The following GREB1L variants were observed in gnomAD, a reference collection of about 807,000 sequenced individuals.
The protein encoded by GREB1L is GREB1-like protein.
In GREB1L, 17 loss-of-function variants were observed where a neutral mutation model predicts 200.8. The observed-to-expected ratio is 0.08, with a 90% CI of 0.06 to 0.13. GREB1L has a LOEUF of 0.13. GREB1L is among the 10% of genes least tolerant of loss of function. GREB1L has a pLI of 1.00. For missense variants in GREB1L, 1,657 were observed against 2,367.7 expected (o/e 0.70, Z 6.23); for synonymous variants, 789 against 893.0 (o/e 0.88, Z 2.08).
chr18:21,262,742 G>C (rs1475139785), intron 1 of GREB1L, among the ~76,000 whole-genome samples: 1 of 152,064 alleles, frequency 6.6e-6, no homozygotes, highest in Non-Finnish European at 1.5e-5. Context: ...AAGGCGGTGG[G>C]CCAGTGATAT....
rs185589673 is a variant in GREB1L, at chr18:21,288,777, G to A, written c.-120+46384G>A. Among the ~76,000 whole-genome samples, 7 of 150,544 alleles carry A rather than the reference G, an allele frequency of 4.6e-5. No individual in the cohort carries two copies. In the East Asian group the frequency reaches 7.8e-4, roughly 17 times the overall value. Reference sequence around the variant, plus strand: ...TTTGAGACAGAGTTTCACTCTTGTCGCCCAGGTTGGAATGCAATGGTGCGA... The same window carrying A: ...TTTGAGACAGAGTTTCACTCTTGTCACCCAGGTTGGAATGCAATGGTGCGA... On this transcript the variant is annotated intron_variant, in intron 1 of 32. Coordinates refer to ENST00000424526, the MANE Select transcript of GREB1L (RefSeq NM_001142966.3).
At position 21,454,456 on chromosome 18, in the gene GREB1L, G is replaced by A; in HGVS notation, c.2075G>A (p.Gly692Asp). ...CAGGTGTGTGCTATAGCGGACAGTG[G>A]CAGCCAGAGCCTGGACCTCGGTCAC... Reference protein sequence around the residue: ...LSQVCAIADSGSQSLDLGHFS... With the variant: ...LSQVCAIADSDSQSLDLGHFS... Residue 692 changes from glycine (G) to aspartate (D), a missense_variant, in exon 15 of 33, where the codon GGC (glycine) becomes GAC (aspartate). Gly to Asp is a moderately conservative substitution (Grantham distance 94, BLOSUM62 -1). This residue lies in a region of GREB1L where 239 missense variants were observed against 421.8 expected (regional missense o/e 0.57). Coordinates refer to ENST00000424526, the MANE Select transcript of GREB1L (RefSeq NM_001142966.3). The A allele has an allele frequency of 6.4e-7, 1 of 1,551,536 alleles. No homozygotes were observed. Among genetic ancestry groups the A allele is most frequent in the Non-Finnish European group, 8.7e-7 (1 of 1,146,826 alleles).
At chr18:21,370,895 T>C (rs1421257325) in intron 2 of GREB1L, among the ~76,000 whole-genome samples, 1 of 151,992 alleles carries the variant, frequency 6.6e-6, no homozygotes, top group Non-Finnish European at 1.5e-5. Context: ...CTTGCCTGCA[T>C]GGTAAAATCC....
At position 21,426,201 on chromosome 18, in the gene GREB1L, C is replaced by T. The variant is rs142229609; in HGVS notation, c.833-13320C>T. 4.1e-3 allele frequency among the ~76,000 whole-genome samples: 630 copies of T among 151,888 alleles called. 7 individuals carry two copies. The highest frequency in any genetic ancestry group is 0.014 in the African/African-American group (584 of 41,420). The stretch of plus-strand genomic sequence containing the variant: ...CCTCCTGAGTAGCTGGGACTACAGG[C>T]GCCCACCACCACGCCTGGCTAATTT... On this transcript the variant is annotated intron_variant, in intron 7 of 32. Transcript: ENST00000424526.
At position 21,242,360 on chromosome 18, in the gene GREB1L, C is replaced by T. The variant is rs1191111728; in HGVS notation, c.-153C>T. The T allele has an allele frequency of 6.6e-6, 1 of 152,174 alleles. No individual in the cohort carries two copies. The highest frequency in any genetic ancestry group is 1.5e-5 in the Non-Finnish European group (1 of 68,114). 9.4% of individuals were successfully genotyped at this position (152,174 alleles called of 1,614,324 possible). A position where few individuals can be genotyped will look rare whatever the true frequency, so the allele number is the denominator to read the frequency against. ...GCCCGGCCGAGCCGAGGGCCACCCCCTGGTCCTCTGCCCTCGCGCCCCGCT... is the reference window on the plus strand; with the variant it reads ...GCCCGGCCGAGCCGAGGGCCACCCCTTGGTCCTCTGCCCTCGCGCCCCGCT... On this transcript the variant is annotated 5_prime_UTR_variant, in exon 1 of 33. Coordinates refer to ENST00000424526, the MANE Select transcript of GREB1L (RefSeq NM_001142966.3).
At chr18:21,489,355 G>A (rs2036243943) in intron 18 of GREB1L, among the ~76,000 whole-genome samples, 1 of 152,106 alleles carries the variant, frequency 6.6e-6, no homozygotes, top group Non-Finnish European at 1.5e-5. Flanking sequence ...AGTTTCTCCA[G>A]CACCAAGGAA....
At chr18:21,279,766 C>T (rs1380144716) in intron 1 of GREB1L, among the ~76,000 whole-genome samples, 1 of 152,172 alleles carries the variant, frequency 6.6e-6, no homozygotes, top group Non-Finnish European at 1.5e-5. Flanking sequence ...CCACCCCAGC[C>T]ATGAGAGTAG....
chr18:21,477,553 G>A (rs534465810), intron 17 of GREB1L, among the ~76,000 whole-genome samples, 197 bp downstream of exon 17: 8 of 152,270 alleles, frequency 5.3e-5, no homozygotes, highest in South Asian at 4.1e-4. Context: ...TTGGGAGGCC[G>A]AGGCGGGTGG....
intron 1 of GREB1L, among the ~76,000 whole-genome samples, chr18:21,314,595 T>C (rs2038840550): frequency 6.6e-6 from 1 of 152,216 alleles, no homozygotes; most frequent in African/African-American, 2.4e-5. Context: ...ACTTCGTATT[T>C]CCTAATTCCC....
intron 1 of GREB1L, among the ~76,000 whole-genome samples, chr18:21,338,496 C>T (rs1242666140): frequency 6.6e-6 from 1 of 152,252 alleles, no homozygotes; most frequent in East Asian, 1.9e-4. Context: ...TTCTTCCTTG[C>T]TACTCCAGTT....
In GREB1L at chr18:21,265,738, T is replaced by C. The variant is rs182100409; in HGVS notation, c.-120+23345T>C. 3.9e-4 allele frequency among the ~76,000 whole-genome samples: 60 copies of C among 152,308 alleles called. 1 individual carries two copies. The highest frequency in any genetic ancestry group is 9.8e-4 in the Admixed American group (15 of 15,304). ...TCCTCTCGCCATGATGTTGACTCAA[T>C]TGGAAGATGACACAGTTTTTCTTTT... On this transcript the variant is annotated intron_variant, in intron 1 of 32. Transcript: ENST00000424526.
chr18:21,518,555 C>T (rs946719420), intron 31 of GREB1L, among the ~76,000 whole-genome samples: 13 of 152,206 alleles, frequency 8.5e-5, no homozygotes, highest in African/African-American at 3.1e-4. Flanking sequence ...TGACTTTGGG[C>T]AGCAGTTGCT....
intron 1 of GREB1L, among the ~76,000 whole-genome samples, chr18:21,278,629 A>G (rs1372798556): frequency 6.6e-6 from 1 of 152,048 alleles, no homozygotes; most frequent in African/African-American, 2.4e-5. Flanking sequence ...CAGAATACTA[A>G]TCCTTGAGCA....
At chr18:21,344,202 C>A (rs2039310140) in intron 1 of GREB1L, among the ~76,000 whole-genome samples, 1 of 152,250 alleles carries the variant, frequency 6.6e-6, no homozygotes, top group South Asian at 2.1e-4. Context: ...GATATCGAGA[C>A]CATCCTGGCT....
chr18:21,356,956 C>T (rs1206231600), intron 1 of GREB1L, among the ~76,000 whole-genome samples: 1 of 152,052 alleles, frequency 6.6e-6, no homozygotes, highest in African/African-American at 2.4e-5. Flanking sequence ...ATACTGTTGG[C>T]GATTTGTATG....
At chr18:21,256,062 CAAG>C (rs1239442348) in intron 1 of GREB1L, among the ~76,000 whole-genome samples, 2 of 152,012 alleles carry the variant, frequency 1.3e-5, no homozygotes, top group Non-Finnish European at 2.9e-5. Context: ...ATATTTCTAA[CAAG>C]TAGTATATGA....
Position 21,490,180 on chromosome 18 carries a change from G to T in GREB1L, c.2859G>T (p.Gly953=). ...LISSPGKNKS[G]RGHMLIIRVP... ...GCTCCCCAGGCAAAAACAAAAGTGG[G>T]AGGGGACACATGCTCATTATCAGGG... Residue 953 remains glycine (G), a synonymous_variant, in exon 19 of 33, where the codon GGG becomes GGT. Coordinates refer to ENST00000424526, the MANE Select transcript of GREB1L (RefSeq NM_001142966.3). 1 of 1,551,744 alleles carries T rather than the reference G, an allele frequency of 6.4e-7. No homozygotes were observed. The highest frequency in any genetic ancestry group is 8.7e-7 in the Non-Finnish European group (1 of 1,147,012).
intron 1 of GREB1L, among the ~76,000 whole-genome samples, chr18:21,351,941 G>A (rs1404665279): frequency 2.6e-5 from 4 of 152,116 alleles, no homozygotes; most frequent in Non-Finnish European, 1.5e-5. Flanking sequence ...TCCGCCTCCC[G>A]GATTCAAGCA....
intron 1 of GREB1L, among the ~76,000 whole-genome samples, chr18:21,271,630 T>C (rs2038079932): frequency 7.2e-6 from 1 of 138,448 alleles, no homozygotes; most frequent in Non-Finnish European, 1.5e-5. Context: ...CTAGCCTGTG[T>C]GACAGCAAGA....
Sources: gnomAD v4.1 joint callset for allele counts (sites outside exome capture counted in the v4.1 genomes callset) on GRCh38, gnomAD v4.1.1 for gene constraint, gnomAD v4.1.1 regional missense constraint, MANE v1.5 for transcripts, NCBI Gene and HGNC (gene_info 2026-07-23, HGNC 2026-07-21) for gene names.